ZNF154: variants seen among roughly 807,000 people sequenced by gnomAD.
ZNF154 encodes the protein zinc finger protein 154 (pHZ-92).
ZNF154 carries 6 observed loss-of-function variants against 7.5 expected under a neutral mutation model. The ratio of observed to expected loss-of-function variants is 0.80; its 90% CI spans 0.44 to 1.57. ZNF154 has a LOEUF of 1.57. Ranked by LOEUF, ZNF154 falls within the 40% of genes most tolerant of loss-of-function variation. The probability of loss-of-function intolerance (pLI) is 0.01; values close to 1 mark genes in which losing one functional copy is unlikely to be tolerated. For synonymous variants in ZNF154, 187 were observed against 185.9 expected, an observed-to-expected ratio of 1.01 and a Z score of -0.05; for missense variants, 485 against 531.4, an observed-to-expected ratio of 0.91 and a Z score of 0.86.
In ZNF154 at chr19:57,701,619, G is replaced by C. The variant is rs752429162; in HGVS notation, c.*16C>G. 15 of 1,602,542 alleles carry C rather than the reference G, an allele frequency of 9.4e-6. No homozygotes were observed. Among genetic ancestry groups the C allele is most frequent in the South Asian group, 1.1e-5 (1 of 90,440 alleles). ...GGGTGCTAACAGATTTTCCACATTT[G>C]CCACTCATAAGGCTTTTATCGACTA... On this transcript the variant is annotated 3_prime_UTR_variant, in exon 3 of 3. Coordinates refer to ENST00000684351, the MANE Select transcript of ZNF154 (RefSeq NM_001085384.3).
intron 2 of ZNF154, among the ~76,000 whole-genome samples, chr19:57,703,210 G>A (rs781348139): frequency 4.6e-5 from 5 of 109,758 alleles, no homozygotes; most frequent in Non-Finnish European, 9.5e-5. Context: ...AGAATGGGCC[G>A]GGTGCGGTGG....
At chr19:57,703,481 T>A (rs1985266105) in intron 2 of ZNF154, among the ~76,000 whole-genome samples, 1 of 44,046 alleles carries the variant, frequency 2.3e-5, no homozygotes. Context: ...GGAGACTCCG[T>A]CTCAAAAAAA....
Position 57,701,612 on chromosome 19 carries a change from C to T in ZNF154, c.*23G>A, listed in dbSNP as rs750628807. The T allele has an allele frequency of 1.9e-5, 30 of 1,600,358 alleles. No homozygotes were observed. The highest frequency in any genetic ancestry group is 2.3e-5 in the Non-Finnish European group (27 of 1,171,472). ...TTCTCCAGGGTGCTAACAGATTTTC[C>T]ACATTTGCCACTCATAAGGCTTTTA... On this transcript the variant is annotated 3_prime_UTR_variant, in exon 3 of 3. Coordinates refer to ENST00000684351, the MANE Select transcript of ZNF154 (RefSeq NM_001085384.3).
In ZNF154 at chr19:57,708,515, G is replaced by A. The variant is rs576154371; in HGVS notation, c.33+424C>T. Among the ~76,000 whole-genome samples, 4 of 152,262 alleles carry A rather than the reference G, an allele frequency of 2.6e-5. No homozygotes were observed. The East Asian group carries it at 5.8e-4, about 22-fold the overall frequency. On this transcript the variant is annotated intron_variant, in intron 1 of 2. Transcript: ENST00000684351. ...TTGAACCCGGGAGTCGGAGGTTGCAGTGACCCGAGATCGCGTCATTGCACT... is the reference window on the plus strand; with the variant it reads ...TTGAACCCGGGAGTCGGAGGTTGCAATGACCCGAGATCGCGTCATTGCACT...
rs909894003 is a variant in ZNF154 at position 57,696,281 on chromosome 19, C to CT, written c.*5353dup. Among the ~76,000 whole-genome samples, 2 of 152,082 alleles carry CT rather than the reference C, an allele frequency of 1.3e-5. No homozygotes were observed. The highest frequency in any genetic ancestry group is 4.8e-5 in the African/African-American group (2 of 41,414). On this transcript the variant is annotated 3_prime_UTR_variant, in exon 3 of 3. Coordinates refer to ENST00000684351, the MANE Select transcript of ZNF154 (RefSeq NM_001085384.3). ...TCCAAAAATTCCATCCAAGTAGAAGCTGTGGGGTCAGGGGGTTCTAAGAAG... is the reference window on the plus strand; with the variant it reads ...TCCAAAAATTCCATCCAAGTAGAAGCTTGTGGGGTCAGGGGGTTCTAAGAAG...
chr19:57,708,566 TC>T (rs1204935723), intron 1 of ZNF154, among the ~76,000 whole-genome samples: 1 of 151,940 alleles, frequency 6.6e-6, no homozygotes, highest in Non-Finnish European at 1.5e-5. Flanking sequence ...AGAGCGAAAC[TC>T]CGTCTCAAAG....
intron 2 of ZNF154, 132 bp downstream of exon 2, chr19:57,704,721 A>G: frequency 3.1e-6 from 4 of 1,285,910 alleles, no homozygotes; most frequent in Non-Finnish European, 4.2e-6. Flanking sequence ...CTTACCAATG[A>G]CAGAACTATG....
At chr19:57,703,412 G>A (rs1156460652) in intron 2 of ZNF154, among the ~76,000 whole-genome samples, 1 of 151,160 alleles carries the variant, frequency 6.6e-6, no homozygotes, top group African/African-American at 2.4e-5. Flanking sequence ...TTGAACCCGG[G>A]AGGCGGAGGT....
Position 57,702,712 on chromosome 19 carries a change from G to C in ZNF154, c.237C>G (p.Thr79=). ...GCTCCCCTGACACATGGAATGTGCA[G>C]GTCTTCACAAACAAGGCTCTGCCCA... ...SNVGRALFVK[T]CTFHVSGEPS... is the part of the protein sequence containing the mutation. Residue 79 remains threonine, a synonymous_variant, in exon 3 of 3, where the codon ACC becomes ACG. Coordinates refer to ENST00000684351, the MANE Select transcript of ZNF154 (RefSeq NM_001085384.3). 3 of 1,613,216 alleles carry C rather than the reference G, an allele frequency of 1.9e-6. No individual in the cohort carries two copies. The South Asian group carries it at 3.3e-5, about 18-fold the overall frequency.
chr19:57,705,054 T>C, intron 1 of ZNF154, 75 bp from the exon 2 acceptor site: 7 of 1,521,526 alleles, frequency 4.6e-6, no homozygotes, highest in Non-Finnish European at 6.2e-6. Flanking sequence ...CCCACATCTT[T>C]ACCCCATGCC....
At position 57,704,953 on chromosome 19, in the gene ZNF154, G is replaced by A. The variant is rs200598328; in HGVS notation, c.60C>T (p.Ala20=). ...TQGTVTFEDV[A]VHFSWEEWGL... ...CCCATTCCTCCCAGGAGAAGTGTACGGCCACATCTTCAAAGGTCACAGTGC... is the reference window on the plus strand; with the variant it reads ...CCCATTCCTCCCAGGAGAAGTGTACAGCCACATCTTCAAAGGTCACAGTGC... Residue 20 remains alanine (A), a synonymous_variant, in exon 2 of 3, where the codon GCC becomes GCT. Transcript: ENST00000684351. 248 of 1,613,004 alleles carry A rather than the reference G, an allele frequency of 1.5e-4. No homozygotes were observed. Among genetic ancestry groups the A allele is most frequent in the African/African-American group, 8.0e-5 (6 of 74,866 alleles).
chr19:57,708,527 C>T (rs2122421530), intron 1 of ZNF154, among the ~76,000 whole-genome samples: 1 of 152,194 alleles, frequency 6.6e-6, no homozygotes, highest in East Asian at 1.9e-4. Flanking sequence ...GACCCGAGAT[C>T]GCGTCATTGC....
rs751697004 is a variant in ZNF154 at position 57,704,966 on chromosome 19, A to G, written c.47T>C (p.Phe16Ser). The G allele has an allele frequency of 5.0e-6, 8 of 1,612,356 alleles. No individual in the cohort carries two copies. The highest frequency in any genetic ancestry group is 6.8e-6 in the Non-Finnish European group (8 of 1,179,416). ...GGAGAAGTGTACGGCCACATCTTCA[A>G]AGGTCACAGTGCCCTGCCACAATGG... The part of the protein sequence containing the change: ...LRTPTQGTVT[F>S]EDVAVHFSWE... The change falls in exon 2 of 3, where the codon TTT (phenylalanine) becomes TCT (serine). Residue 16 changes from phenylalanine (F) to serine (S), a missense_variant. Phe to Ser is a radical substitution (Grantham distance 155). Transcript: ENST00000684351.
rs1985228690 is a variant in ZNF154, at chr19:57,702,700, A to AT, written c.248dup (p.His83GlnfsTer36). The AT allele has an allele frequency of 1.2e-6, 2 of 1,613,904 alleles. No individual in the cohort carries two copies. The highest frequency in any genetic ancestry group is 2.2e-5 in the South Asian group (2 of 91,090). On this transcript the variant is annotated frameshift_variant, in exon 3 of 3. Coordinates refer to ENST00000684351, the MANE Select transcript of ZNF154 (RefSeq NM_001085384.3). LOFTEE classifies it low-confidence loss of function (END_TRUNC). ...TGCAGGTGGAAGGCTCCCCTGACACATGGAATGTGCAGGTCTTCACAAACA... is the reference window on the plus strand; with the variant it reads ...TGCAGGTGGAAGGCTCCCCTGACACATTGGAATGTGCAGGTCTTCACAAACA...
chr19:57,702,834 A>G lies in ZNF154; in HGVS notation c.161-46T>C, dbSNP rs767165961. Reference sequence around the variant, plus strand: ...TTCCCACATGCCCCACCTCTATATAATTTCTGCCTATGATGTGTCCCCTAG... The same window carrying G: ...TTCCCACATGCCCCACCTCTATATAGTTTCTGCCTATGATGTGTCCCCTAG... On this transcript the variant is annotated intron_variant, in intron 2 of 2. Transcript: ENST00000684351. 7 of 1,544,696 alleles carry G rather than the reference A, an allele frequency of 4.5e-6. No individual in the cohort carries two copies. The African/African-American group carries it at 9.5e-5, about 21-fold the overall frequency.
Position 57,701,637 on chromosome 19 carries a change from A to G in ZNF154, c.1312T>C (p.Ter438GlnextTer12). Residue 438 changes from the stop codon to glutamine, a stop_lost, in exon 3 of 3, where the codon TAA becomes CAA. Transcript: ENST00000684351. ...CACATTTGCCACTCATAAGGCTTTTATCGACTATGAATTCTCTGATGTTTA... is the reference window on the plus strand; with the variant it reads ...CACATTTGCCACTCATAAGGCTTTTGTCGACTATGAATTCTCTGATGTTTA... ...LIKHQRIHSR[*>Q] The G allele has an allele frequency of 6.2e-7, 1 of 1,609,918 alleles. No individual in the cohort carries two copies. Among genetic ancestry groups the G allele is most frequent in the South Asian group, 1.1e-5 (1 of 91,000 alleles).
At position 57,702,343 on chromosome 19, in the gene ZNF154, A is replaced by G; in HGVS notation, c.606T>C (p.Ser202=). The G allele has an allele frequency of 6.2e-7, 1 of 1,612,856 alleles. No homozygotes were observed. The highest frequency in any genetic ancestry group is 1.7e-5 in the Admixed American group (1 of 59,990). The change falls in exon 3 of 3, where the codon TCT becomes TCC. Residue 202 remains serine (S), a synonymous_variant. Coordinates refer to ENST00000684351, the MANE Select transcript of ZNF154 (RefSeq NM_001085384.3). The stretch of plus-strand genomic sequence containing the variant: ...GAACTCTCCGGTGCTGAATGAGACT[A>G]GAGCTTTGCCTAAAGGACTTCCCAC... The part of the protein sequence containing the change: ...RECGKSFRQS[S]SLIQHRRVHT...
rs1985121464 is a variant in ZNF154, at chr19:57,701,273, G to C, written c.*362C>G. ...TGGGATGGGTGAGTGGTGCACACTGGTGGTCACCTGCCAGGCAGTAGAGGT... is the reference window on the plus strand; with the variant it reads ...TGGGATGGGTGAGTGGTGCACACTGCTGGTCACCTGCCAGGCAGTAGAGGT... On this transcript the variant is annotated 3_prime_UTR_variant, in exon 3 of 3. Transcript: ENST00000684351. The C allele has an allele frequency of 4.0e-6, 1 of 248,328 alleles. No homozygotes were observed. Among genetic ancestry groups the C allele is most frequent in the East Asian group, 9.1e-5 (1 of 11,032 alleles). The allele number at this position is 248,328 out of a possible 1,614,324, so 15.4% of individuals were successfully genotyped here.
At chr19:57,705,130 T>G (rs1283258013) in intron 1 of ZNF154, 151 bp from the exon 2 acceptor site, 3 of 1,114,000 alleles carry the variant, frequency 2.7e-6, no homozygotes, top group Non-Finnish European at 3.8e-6. Flanking sequence ...GCATCTAAGC[T>G]GGGGGCCTGG....
Sources: gnomAD v4.1 joint callset for allele counts (sites outside exome capture counted in the v4.1 genomes callset) on GRCh38, gnomAD v4.1.1 for gene constraint, MANE v1.5 for transcripts, NCBI Gene and HGNC (gene_info 2026-07-23, HGNC 2026-07-21) for gene names.